Variants in PIN1 observed in about 807,000 individuals in gnomAD.
PIN1 encodes peptidylprolyl cis/trans isomerase, NIMA-interacting 1.
A neutral mutation model predicts 19.9 loss-of-function variants in PIN1; 8 were observed. The ratio of observed to expected loss-of-function variants is 0.40; its 90% CI spans 0.24 to 0.72. The LOEUF (loss-of-function observed/expected upper bound fraction) is 0.72. Among genes scored for constraint, PIN1 ranks in the 30% least tolerant of loss-of-function variants. PIN1 has a pLI of 0.37. For synonymous variants in PIN1, 86 were observed against 90.8 expected (o/e 0.95, Z 0.30); for missense variants, 185 against 226.5 (o/e 0.82, Z 1.18).
chr19:9,841,094 C>T (rs1041653597), intron 2 of PIN1, among the ~76,000 whole-genome samples: 4 of 152,150 alleles, frequency 2.6e-5, no homozygotes, highest in Admixed American at 6.6e-5. Context: ...AGTGTACACT[C>T]GGTCAGTATT....
chr19:9,836,951 TC>T (rs1328011832), intron 1 of PIN1: 1 of 794,050 alleles, frequency 1.3e-6, no homozygotes, highest in African/African-American at 1.8e-5. Flanking sequence ...CCAGTTTCTG[TC>T]CTAGGCATTT....
intron 1 of PIN1, chr19:9,837,633 G>GGTTT (rs925122170): frequency 1.7e-4 from 27 of 155,164 alleles, no homozygotes; most frequent in African/African-American, 4.1e-4. Flanking sequence ...GGCTAATGTT[G>GGTTT]GTTTGTTTGT....
chr19:9,847,414 A>G (rs2145418724), intron 2 of PIN1, among the ~76,000 whole-genome samples: 1 of 152,252 alleles, frequency 6.6e-6, no homozygotes, highest in African/African-American at 2.4e-5. Context: ...GAGAAGAGCT[A>G]TGTTGCCTGC....
At position 9,838,710 on chromosome 19, in the gene PIN1, G is replaced by T; in HGVS notation, c.271+62G>T. The T allele has an allele frequency of 7.4e-7, 1 of 1,355,042 alleles. No homozygotes were observed. Among genetic ancestry groups the T allele is most frequent in the Non-Finnish European group, 1.0e-6 (1 of 987,984 alleles). The allele number at this position is 1,355,042 out of a possible 1,614,324, so 83.9% of individuals were successfully genotyped here. ...TTCTCCCAGGTGAGCCTTTGTAGAA[G>T]TCACATCAGACCCTTCACCCCAGCT... On this transcript the variant is annotated intron_variant, in intron 2 of 3. Transcript: ENST00000247970. The surrounding 1 kb of genome is among the most constrained non-coding windows in gnomAD (Gnocchi z 5.8).
At chr19:9,840,842 C>A (rs1031546584) in intron 2 of PIN1, among the ~76,000 whole-genome samples, 1 of 152,202 alleles carries the variant, frequency 6.6e-6, no homozygotes, top group Admixed American at 6.6e-5. Context: ...AGTGATCCTT[C>A]CACCTCAGCC....
rs2046218897 is a variant in PIN1, at chr19:9,846,223, C to T, written c.272-1807C>T. ...CTGTAATGTGCCATCCCAACAGAAG[C>T]TGGGGCCCTGTATGGCATCGATGTC... On this transcript the variant is annotated intron_variant, in intron 2 of 3. Coordinates refer to ENST00000247970, the MANE Select transcript of PIN1 (RefSeq NM_006221.4). The surrounding 1 kb of genome is among the most constrained non-coding windows in gnomAD (Gnocchi z 5.9). Among the ~76,000 whole-genome samples the T allele has an allele frequency of 6.6e-6, 1 of 152,202 alleles. No individual in the cohort carries two copies. Among genetic ancestry groups the T allele is most frequent in the Non-Finnish European group, 1.5e-5 (1 of 68,038 alleles).
intron 2 of PIN1, among the ~76,000 whole-genome samples, chr19:9,841,871 G>A (rs1027209183): frequency 6.6e-6 from 1 of 152,158 alleles, no homozygotes; most frequent in Admixed American, 6.5e-5. Flanking sequence ...GCATGAAGTG[G>A]GCTCCTGGGG....
Position 9,836,928 on chromosome 19 carries a change from C to G in PIN1, c.59-1508C>G. ...AATAGAGATAATAAAGGCTATCCCA[C>G]TCTTAATGTGTGCCAGTTTCTGTCC... On this transcript the variant is annotated intron_variant, in intron 1 of 3. Coordinates refer to ENST00000247970, the MANE Select transcript of PIN1 (RefSeq NM_006221.4). 3 of 1,006,088 alleles carry G rather than the reference C, an allele frequency of 3.0e-6. 1 individual carries two copies. Among genetic ancestry groups the G allele is most frequent in the Non-Finnish European group, 4.1e-6 (3 of 731,848 alleles). The allele number at this position is 1,006,088 out of a possible 1,614,324, so 62.3% of individuals were successfully genotyped here. A position where few individuals can be genotyped will look rare whatever the true frequency, so the allele number is the denominator to read the frequency against.
intron 1 of PIN1, 80 bp downstream of exon 1, chr19:9,835,482 G>T (rs2046093127): frequency 1.0e-6 from 1 of 996,552 alleles, no homozygotes; most frequent in East Asian, 3.2e-5. Flanking sequence ...GGGCGCGGCG[G>T]CAGCGCTGCC....
In PIN1 at chr19:9,838,250, C is replaced by A; in HGVS notation, c.59-186C>A. On this transcript the variant is annotated intron_variant, in intron 1 of 3. Transcript: ENST00000247970. The surrounding 1 kb of genome is among the most constrained non-coding windows in gnomAD (Gnocchi z 5.8). ...ACCTAGAATGTTAGCTCTCTAAGGGCAGGGACTGTATCCTGCCACATTGGC... is the reference window on the plus strand; with the variant it reads ...ACCTAGAATGTTAGCTCTCTAAGGGAAGGGACTGTATCCTGCCACATTGGC... The A allele has an allele frequency of 1.5e-6, 1 of 668,512 alleles. No homozygotes were observed. The highest frequency in any genetic ancestry group is 2.8e-6 in the Non-Finnish European group (1 of 363,356). The allele number at this position is 668,512 out of a possible 1,614,324, so 41.4% of individuals were successfully genotyped here.
At position 9,846,381 on chromosome 19, in the gene PIN1, C is replaced by T. The variant is rs572789621; in HGVS notation, c.272-1649C>T. Among the ~76,000 whole-genome samples, 1 of 152,272 alleles carries T rather than the reference C, an allele frequency of 6.6e-6. No individual in the cohort carries two copies. Among genetic ancestry groups the T allele is most frequent in the Non-Finnish European group, 1.5e-5 (1 of 68,014 alleles). ...GACAGCAAGGGACGTTGGTCAGGGT[C>T]CTGCTCGGTGCCGGGCACTATGCTG... On this transcript the variant is annotated intron_variant, in intron 2 of 3. Coordinates refer to ENST00000247970, the MANE Select transcript of PIN1 (RefSeq NM_006221.4). The surrounding 1 kb of genome is among the most constrained non-coding windows in gnomAD (Gnocchi z 5.9).
intron 3 of PIN1, 69 bp from the exon 4 acceptor site, chr19:9,849,021 C>G (rs991500982): frequency 2.1e-6 from 2 of 970,830 alleles, no homozygotes; most frequent in African/African-American, 3.2e-5. Flanking sequence ...GCGGCTGCCA[C>G]CCGCCCTGCC....
At position 9,838,092 on chromosome 19, in the gene PIN1, G is replaced by C. The variant is rs775595734; in HGVS notation, c.59-344G>C. 2.6e-6 allele frequency: 1 copy of C among 389,008 alleles called. No individual in the cohort carries two copies. Among genetic ancestry groups the C allele is most frequent in the Admixed American group, 3.8e-5 (1 of 26,124 alleles). The allele number at this position is 389,008 out of a possible 1,614,324, so 24.1% of individuals were successfully genotyped here. A position where few individuals can be genotyped will look rare whatever the true frequency, so the allele number is the denominator to read the frequency against. On this transcript the variant is annotated intron_variant, in intron 1 of 3. Transcript: ENST00000247970. This position sits in a 1 kb window ranked among gnomAD's most constrained non-coding sequence, Gnocchi z 5.8. ...TGAATCCAGGTGGCCTGGCTGCTGAGTGCATGGTTTGAGTCACTCCCTGTC... is the reference window on the plus strand; with the variant it reads ...TGAATCCAGGTGGCCTGGCTGCTGACTGCATGGTTTGAGTCACTCCCTGTC...
rs545457887 is a variant in PIN1, at chr19:9,839,324, C to T, written c.271+676C>T. Among the ~76,000 whole-genome samples the T allele has an allele frequency of 2.0e-5, 3 of 151,544 alleles. No individual in the cohort carries two copies. In the East Asian group the frequency reaches 5.8e-4, roughly 29 times the overall value. ...TGACGCATGCCTGTAATCCCAGCTA[C>T]TCGGGAGGCTGAGGCAGGGAGGCAG... On this transcript the variant is annotated intron_variant, in intron 2 of 3. Transcript: ENST00000247970.
rs1345499703 is a variant in PIN1 at position 9,838,018 on chromosome 19, A to T, written c.59-418A>T. On this transcript the variant is annotated intron_variant, in intron 1 of 3. Coordinates refer to ENST00000247970, the MANE Select transcript of PIN1 (RefSeq NM_006221.4). This position sits in a 1 kb window ranked among gnomAD's most constrained non-coding sequence, Gnocchi z 5.8. ...TGTTATCTCCATTTTGCAGGTGAGA[A>T]CACCAAGGCCCAGGGAAGATATATC... 3.5e-6 allele frequency: 1 copy of T among 283,308 alleles called. No individual in the cohort carries two copies. The highest frequency in any genetic ancestry group is 4.7e-5 in the Admixed American group (1 of 21,070). The allele number at this position is 283,308 out of a possible 1,614,324, so 17.5% of individuals were successfully genotyped here.
At position 9,838,280 on chromosome 19, in the gene PIN1, G is replaced by A. The variant is rs149681475; in HGVS notation, c.59-156G>A. Reference sequence around the variant, plus strand: ...ACTGTATCCTGCCACATTGGCCCACGTCTGGAGAGCCTGTGGCACATGGTG... The same window carrying A: ...ACTGTATCCTGCCACATTGGCCCACATCTGGAGAGCCTGTGGCACATGGTG... On this transcript the variant is annotated intron_variant, in intron 1 of 3. Transcript: ENST00000247970. This position sits in a 1 kb window ranked among gnomAD's most constrained non-coding sequence, Gnocchi z 5.8. 1.6e-3 allele frequency: 1,104 copies of A among 706,924 alleles called. 13 individuals carry two copies. The East Asian group carries it at 0.026, about 17-fold the overall frequency. 43.8% of individuals were successfully genotyped at this position (706,924 alleles called of 1,614,324 possible).
At chr19:9,841,751 A>G (rs1307009951) in intron 2 of PIN1, among the ~76,000 whole-genome samples, 1 of 152,144 alleles carries the variant, frequency 6.6e-6, no homozygotes, top group Non-Finnish European at 1.5e-5. Flanking sequence ...AAGCCAGGAG[A>G]GAATTGCAAG....
At position 9,849,416 on chromosome 19, in the gene PIN1, C is replaced by T. The variant is rs1432517149; in HGVS notation, c.*217C>T. On this transcript the variant is annotated 3_prime_UTR_variant, in exon 4 of 4. Coordinates refer to ENST00000247970, the MANE Select transcript of PIN1 (RefSeq NM_006221.4). ...CAGTTGGGGCTGCGACCGCCAGATT[C>T]TCCCTTAAGGAATTGACTTCAGCAG... 9 of 741,524 alleles carry T rather than the reference C, an allele frequency of 1.2e-5. No homozygotes were observed. Among genetic ancestry groups the T allele is most frequent in the Non-Finnish European group, 2.2e-5 (9 of 404,034 alleles). The allele number at this position is 741,524 out of a possible 1,614,324, so 45.9% of individuals were successfully genotyped here.
At chr19:9,840,459 A>G (rs2046154707) in intron 2 of PIN1, among the ~76,000 whole-genome samples, 1 of 152,176 alleles carries the variant, frequency 6.6e-6, no homozygotes, top group African/African-American at 2.4e-5. Flanking sequence ...TGCCTTTCTC[A>G]GAGTCCCCAA....
Sources: gnomAD v4.1 joint callset for allele counts (sites outside exome capture counted in the v4.1 genomes callset) on GRCh38, gnomAD v4.1.1 for gene constraint, Gnocchi (gnomAD v3.1) non-coding constraint, MANE v1.5 for transcripts, NCBI Gene and HGNC (gene_info 2026-07-23, HGNC 2026-07-21) for gene names.